The following DGKI variants were observed in gnomAD, a reference collection of about 807,000 sequenced individuals.
DGKI encodes diacylglycerol kinase iota, also known as DAG kinase iota.
A neutral mutation model predicts 147.5 loss-of-function variants in DGKI; 55 were observed. That is an observed-to-expected ratio of 0.37 (90% CI 0.30 to 0.47). The LOEUF (loss-of-function observed/expected upper bound fraction) is 0.47, where lower values mean the gene tolerates loss of function less well. Ranked by LOEUF, DGKI falls within the 20% of genes least tolerant of loss-of-function variation. DGKI has a pLI of 1.00. For missense variants in DGKI, 1,007 were observed against 1,323.8 expected, an observed-to-expected ratio of 0.76 and a Z score of 3.71; for synonymous variants, 469 against 477.1, an observed-to-expected ratio of 0.98 and a Z score of 0.22.
chr7:137,656,182 T>A (rs575013040), intron 4 of DGKI, among the ~76,000 whole-genome samples: 113 of 152,338 alleles, frequency 7.4e-4, no homozygotes, highest in African/African-American at 2.6e-3. Flanking sequence ...TGAACTGAGA[T>A]GATATAATAA....
chr7:137,499,609 G>T (rs543055942), intron 21 of DGKI, among the ~76,000 whole-genome samples: 1 of 152,162 alleles, frequency 6.6e-6, no homozygotes, highest in East Asian at 1.9e-4. Context: ...TTGACATCAT[G>T]GCTCCTGGTT....
At chr7:137,493,798 C>T (rs748664168) in intron 21 of DGKI, 10 of 701,892 alleles carry the variant, frequency 1.4e-5, no homozygotes, top group Non-Finnish European at 2.6e-6. Flanking sequence ...AATGACTGCA[C>T]TAGTTCCCCA....
chr7:137,477,201 C>A (rs1054512270), intron 23 of DGKI, among the ~76,000 whole-genome samples: 11 of 152,148 alleles, frequency 7.2e-5, no homozygotes, highest in Non-Finnish European at 8.8e-5. Context: ...AAGAATTCCA[C>A]AGAAATATGG....
intron 1 of DGKI, among the ~76,000 whole-genome samples, chr7:137,758,194 G>C (rs1017776379): frequency 6.6e-6 from 1 of 152,172 alleles, no homozygotes; most frequent in African/African-American, 2.4e-5. Flanking sequence ...AATGATATCT[G>C]AAACACCCAC....
chr7:137,452,006 C>CAG (rs1294152415), intron 27 of DGKI, among the ~76,000 whole-genome samples: 1 of 152,114 alleles, frequency 6.6e-6, no homozygotes, highest in Non-Finnish European at 1.5e-5. Context: ...TCCTAAAGAA[C>CAG]AGAGGATAGA....
intron 23 of DGKI, among the ~76,000 whole-genome samples, chr7:137,471,057 A>C (rs1814863257): frequency 6.6e-6 from 1 of 152,236 alleles, no homozygotes; most frequent in African/African-American, 2.4e-5. Flanking sequence ...ACTTTTAAAA[A>C]TTAAACATTT....
chr7:137,611,207 A>T (rs544747551), intron 8 of DGKI, among the ~76,000 whole-genome samples: 3 of 152,220 alleles, frequency 2.0e-5, no homozygotes, highest in African/African-American at 7.2e-5. Context: ...TCATTTAATC[A>T]GCCAAATGAT....
intron 1 of DGKI, among the ~76,000 whole-genome samples, chr7:137,836,493 G>C (rs996032926): frequency 6.6e-6 from 1 of 152,186 alleles, no homozygotes; most frequent in Admixed American, 6.5e-5. Flanking sequence ...GGCTGACTAT[G>C]CCATTTCAGA....
At chr7:137,546,699 G>A (rs750860999) in intron 20 of DGKI, among the ~76,000 whole-genome samples, 51 of 152,142 alleles carry the variant, frequency 3.4e-4, no homozygotes, top group Non-Finnish European at 6.6e-4. Flanking sequence ...AACCCAAAAT[G>A]TTTTGTTGAC....
intron 7 of DGKI, among the ~76,000 whole-genome samples, chr7:137,621,727 T>C (rs1406720308): frequency 2.0e-5 from 3 of 152,210 alleles, no homozygotes; most frequent in East Asian, 1.9e-4. Flanking sequence ...AGTGATTCAG[T>C]TGGACTACAG....
At chr7:137,578,428 C>A (rs1819063525) in intron 15 of DGKI, 103 bp from the exon 16 acceptor site, 3 of 772,596 alleles carry the variant, frequency 3.9e-6, no homozygotes, top group Non-Finnish European at 6.8e-6. Context: ...TCCTACAGAT[C>A]CAATAGATCC....
intron 3 of DGKI, among the ~76,000 whole-genome samples, chr7:137,661,040 TACA>T (rs1369377209): frequency 6.6e-6 from 1 of 152,096 alleles, no homozygotes; most frequent in Non-Finnish European, 1.5e-5. Flanking sequence ...AGGAAGCAGG[TACA>T]ACAAGGCTGG....
chr7:137,662,634 T>A (rs550425736), intron 3 of DGKI, among the ~76,000 whole-genome samples: 1 of 152,136 alleles, frequency 6.6e-6, no homozygotes, highest in Non-Finnish European at 1.5e-5. Context: ...AGATGCCACA[T>A]GTCCGGAGGA....
intron 29 of DGKI, 41 bp downstream of exon 29, chr7:137,412,129 T>G: frequency 6.3e-7 from 1 of 1,576,456 alleles, no homozygotes; most frequent in Non-Finnish European, 8.7e-7. Flanking sequence ...GATTTAAAGT[T>G]CTTAAAGCAT....
Position 137,686,417 on chromosome 7 carries a change from G to A in DGKI, c.510+3477C>T, listed in dbSNP as rs142306631. ...TGCAGGTTCTATCCCTGACATGCACGGAGGAAAATGACTGTGCACAGGCAG... is the reference window on the plus strand; with the variant it reads ...TGCAGGTTCTATCCCTGACATGCACAGAGGAAAATGACTGTGCACAGGCAG... On this transcript the variant is annotated intron_variant, in intron 2 of 32. Transcript: ENST00000614521. Among the ~76,000 whole-genome samples the A allele has an allele frequency of 4.6e-4, 70 of 152,270 alleles. No individual in the cohort carries two copies. The East Asian group carries it at 0.011, about 24-fold the overall frequency.
At chr7:137,404,384 T>C (rs1057387474) in intron 30 of DGKI, among the ~76,000 whole-genome samples, 1 of 152,202 alleles carries the variant, frequency 6.6e-6, no homozygotes, top group Non-Finnish European at 1.5e-5. Context: ...AAATTGACAA[T>C]GTCTATCAAT....
intron 26 of DGKI, among the ~76,000 whole-genome samples, chr7:137,464,864 TGTATG>T (rs1814594703): frequency 6.6e-6 from 1 of 152,242 alleles, no homozygotes; most frequent in African/African-American, 2.4e-5. Flanking sequence ...GGGCACATTG[TGTATG>T]GTTTCTAGAG....
intron 26 of DGKI, among the ~76,000 whole-genome samples, chr7:137,464,836 G>A (rs555070413): frequency 9.2e-5 from 14 of 152,286 alleles, no homozygotes; most frequent in Non-Finnish European, 1.5e-4. Flanking sequence ...CTGTGTACAC[G>A]ATGTGCATTT....
chr7:137,760,206 T>C (rs1406073553), intron 1 of DGKI, among the ~76,000 whole-genome samples: 1 of 152,138 alleles, frequency 6.6e-6, no homozygotes, highest in Admixed American at 6.5e-5. Context: ...ACTATGGTGA[T>C]TTCTCTAACA....
Sources: allele counts gnomAD v4.1 joint callset (sites outside exome capture counted in the v4.1 genomes callset), GRCh38; gene constraint gnomAD v4.1.1; transcripts MANE v1.5; gene names NCBI Gene and HGNC (gene_info 2026-07-23, HGNC 2026-07-21).